The following MACROD1 variants were observed in gnomAD, a reference collection of about 807,000 sequenced individuals.
MACROD1 encodes ADP-ribose glycohydrolase MACROD1.
MACROD1 carries 31 observed loss-of-function variants against 41.4 expected under a neutral mutation model. The observed-to-expected ratio is 0.75, with a 90% CI of 0.56 to 1.01. The LOEUF (loss-of-function observed/expected upper bound fraction) is 1.01. Ranked by LOEUF, MACROD1 falls within the 50% of genes least tolerant of loss-of-function variation. MACROD1 has a pLI of 0.00. For missense variants in MACROD1, 473 were observed against 460.0 expected, an observed-to-expected ratio of 1.03 and a Z score of -0.26; for synonymous variants, 252 against 203.4, an observed-to-expected ratio of 1.24 and a Z score of -2.03.
intron 3 of MACROD1, among the ~76,000 whole-genome samples, chr11:64,098,905 C>T (rs973179174): frequency 6.6e-6 from 1 of 152,224 alleles, no homozygotes; most frequent in Non-Finnish European, 1.5e-5. Context: ...ACATAAAAAT[C>T]CATCCCAAAG....
intron 4 of MACROD1, among the ~76,000 whole-genome samples, chr11:64,002,665 C>A (rs553116477): frequency 6.6e-6 from 1 of 152,256 alleles, no homozygotes; most frequent in Middle Eastern, 3.4e-3. Flanking sequence ...CAGAGGGGAA[C>A]CCCCCCACCC....
At chr11:64,094,107 G>C (rs1944535934) in intron 3 of MACROD1, among the ~76,000 whole-genome samples, 1 of 152,144 alleles carries the variant, frequency 6.6e-6, no homozygotes, top group African/African-American at 2.4e-5. Context: ...GACCAGCCTG[G>C]ACAACATGGT....
intron 3 of MACROD1, among the ~76,000 whole-genome samples, chr11:64,020,483 C>G (rs373918198): frequency 1.3e-5 from 2 of 152,094 alleles, no homozygotes; most frequent in Admixed American, 1.3e-4. Flanking sequence ...TGGCTCCTTG[C>G]AGACCCCCAG....
intron 3 of MACROD1, among the ~76,000 whole-genome samples, chr11:64,124,161 G>A (rs141790588): frequency 2.0e-5 from 3 of 152,320 alleles, no homozygotes; most frequent in African/African-American, 7.2e-5. Context: ...TGTCCAAGAG[G>A]CACCAAGAAA....
intron 3 of MACROD1, among the ~76,000 whole-genome samples, chr11:64,069,311 C>T (rs929927525): frequency 2.0e-5 from 3 of 152,300 alleles, no homozygotes; most frequent in East Asian, 1.9e-4. Flanking sequence ...GGATGAGGCA[C>T]GGCTGTCAGC....
chr11:64,022,486 C>T (rs78760721), intron 3 of MACROD1, among the ~76,000 whole-genome samples: 3,797 of 152,260 alleles, frequency 0.025, 136 homozygotes, highest in African/African-American at 0.087. Context: ...CTTAGGGGAG[C>T]GGAGTTTGTT....
chr11:64,165,606 G>A, intron 1 of MACROD1, 91 bp downstream of exon 1: 1 of 1,183,112 alleles, frequency 8.5e-7, no homozygotes, highest in Admixed American at 4.2e-5. Flanking sequence ...CTCTCGGGTG[G>A]AAGGGGCTGC....
At chr11:64,121,764 A>T (rs1590940886) in intron 3 of MACROD1, among the ~76,000 whole-genome samples, 1 of 152,138 alleles carries the variant, frequency 6.6e-6, no homozygotes. Context: ...GGCTGGGCTG[A>T]CCCTCACAGC....
At chr11:64,037,621 G>A (rs376781038) in intron 3 of MACROD1, among the ~76,000 whole-genome samples, 19 of 152,256 alleles carry the variant, frequency 1.2e-4, no homozygotes, top group African/African-American at 4.3e-4. Context: ...CACATATCTG[G>A]CTGAAGGGTC....
chr11:64,070,584 C>G (rs1331854721), intron 3 of MACROD1, among the ~76,000 whole-genome samples: 2 of 152,200 alleles, frequency 1.3e-5, no homozygotes, highest in African/African-American at 4.8e-5. Flanking sequence ...TCACCCTCCC[C>G]TCTCCCCCGG....
chr11:64,098,562 C>A (rs1228677347), intron 3 of MACROD1, among the ~76,000 whole-genome samples: 1 of 152,196 alleles, frequency 6.6e-6, no homozygotes, highest in African/African-American at 2.4e-5. Context: ...AAGGAACAGG[C>A]TCTGTGGATG....
In MACROD1 at chr11:64,116,324, G is replaced by A. The variant is rs547325012; in HGVS notation, c.517+34915C>T. 879 of 1,609,738 alleles carry A rather than the reference G, an allele frequency of 5.5e-4. 8 individuals carry two copies. In the South Asian group the frequency reaches 9.0e-3, roughly 17 times the overall value. ...CCACCACGCCCACTGCCACTGTCACGGCCACCGTTGTGATGACCACGGCCA... is the reference window on the plus strand; with the variant it reads ...CCACCACGCCCACTGCCACTGTCACAGCCACCGTTGTGATGACCACGGCCA... On this transcript the variant is annotated intron_variant, in intron 3 of 10. Transcript: ENST00000255681.
intron 3 of MACROD1, among the ~76,000 whole-genome samples, chr11:64,093,446 G>A (rs1173815274): frequency 2.0e-5 from 3 of 152,240 alleles, no homozygotes; most frequent in African/African-American, 4.8e-5. Context: ...CATGCTCACC[G>A]CTGCCTGGCA....
rs1294688988 is a variant in MACROD1, at chr11:64,064,656, G to A, written c.518-49375C>T. Reference sequence around the variant, plus strand: ...AACAGGATGCAGAGTAGGGGCCTCTGGCAGGACATTAAACGGCACCGAGAT... The same window carrying A: ...AACAGGATGCAGAGTAGGGGCCTCTAGCAGGACATTAAACGGCACCGAGAT... On this transcript the variant is annotated intron_variant, in intron 3 of 10. Coordinates refer to ENST00000255681, the MANE Select transcript of MACROD1 (RefSeq NM_014067.4). This position sits in a 1 kb window ranked among gnomAD's most constrained non-coding sequence, Gnocchi z 4.5. Among the ~76,000 whole-genome samples the A allele has an allele frequency of 3.4e-5, 5 of 148,418 alleles. No homozygotes were observed. The East Asian group carries it at 1.0e-3, about 30-fold the overall frequency.
chr11:64,050,434 G>A (rs970802909), intron 3 of MACROD1, among the ~76,000 whole-genome samples: 1 of 152,216 alleles, frequency 6.6e-6, no homozygotes, highest in East Asian at 1.9e-4. Context: ...TGACAGTGGT[G>A]GGGACCCAGA....
intron 3 of MACROD1, among the ~76,000 whole-genome samples, chr11:64,114,542 T>C (rs535738025): frequency 4.8e-5 from 5 of 105,010 alleles, no homozygotes; most frequent in Admixed American, 9.5e-5. Flanking sequence ...GATGTATGGA[T>C]TGATGCATGG....
At chr11:64,005,863 G>A (rs1942902534) in intron 4 of MACROD1, among the ~76,000 whole-genome samples, 2 of 152,238 alleles carry the variant, frequency 1.3e-5, no homozygotes, top group Non-Finnish European at 2.9e-5. Flanking sequence ...GTGAGCTGGG[G>A]TTTGAGGGAG....
At chr11:64,112,482 C>T (rs1944880516) in intron 3 of MACROD1, among the ~76,000 whole-genome samples, 1 of 152,186 alleles carries the variant, frequency 6.6e-6, no homozygotes, top group South Asian at 2.1e-4. Context: ...CCACTGCACT[C>T]CCACCTGGTG....
chr11:64,117,795 A>T, intron 3 of MACROD1: 1 of 1,614,166 alleles, frequency 6.2e-7, no homozygotes, highest in Non-Finnish European at 8.5e-7. Flanking sequence ...CATGGTCACC[A>T]TGGAGACCAG....
Sources: gnomAD v4.1 joint callset for allele counts (sites outside exome capture counted in the v4.1 genomes callset) on GRCh38, gnomAD v4.1.1 for gene constraint, Gnocchi (gnomAD v3.1) non-coding constraint, MANE v1.5 for transcripts, NCBI Gene and HGNC (gene_info 2026-07-23, HGNC 2026-07-21) for gene names.